The following CHD4 variants were observed in gnomAD, a reference collection of about 807,000 sequenced individuals.
CHD4 encodes the protein chromodomain helicase DNA binding protein 4, also known as ATP-dependent chromatin remodeler CHD4.
In CHD4, 35 loss-of-function variants were observed where a neutral mutation model predicts 235.5. The observed-to-expected ratio is 0.15, with a 90% CI of 0.11 to 0.20. The LOEUF (loss-of-function observed/expected upper bound fraction) is 0.20. Among genes scored for constraint, CHD4 ranks in the 10% least tolerant of loss-of-function variants. The pLI is 1.00. For missense variants in CHD4, 1,329 were observed against 2,432.3 expected (o/e 0.55, Z 9.54); for synonymous variants, 900 against 850.2 (o/e 1.06, Z -1.02).
In CHD4 at chr12:6,573,119, C is replaced by G. The variant is rs976112669; in HGVS notation, c.5512G>C (p.Glu1838Gln). Residue 1838 changes from glutamate to glutamine, a missense_variant, in exon 38 of 40, where the codon GAG becomes CAG. Transcript: ENST00000544040. ...LAESHQHLSK[E>Q]SMAGNKPANA... ...GCTGGCTTGTTTCCTGCCATTGACT[C>G]CTTGGACAGGTGCTGATGACTTTCC... is the stretch of plus-strand genomic sequence containing the variant. 1.2e-6 allele frequency: 2 copies of G among 1,610,958 alleles called. No homozygotes were observed. Among genetic ancestry groups the G allele is most frequent in the Non-Finnish European group, 1.7e-6 (2 of 1,178,776 alleles).
chr12:6,571,154 C>A (rs533802176), intron 38 of CHD4, 122 bp from the exon 39 acceptor site: 2 of 1,148,360 alleles, frequency 1.7e-6, no homozygotes, highest in Non-Finnish European at 2.5e-6. Context: ...TGTCTTCTGT[C>A]ATCTGACCTG....
At chr12:6,580,722 A>C (rs1044962222) in intron 33 of CHD4, 24 of 231,248 alleles carry the variant, frequency 1.0e-4, no homozygotes, top group African/African-American at 8.0e-5. Context: ...AAAAAAAAAA[A>C]AAAAAGCCAG....
At chr12:6,592,151 T>A (rs572283142) in intron 19 of CHD4, 94 bp from the exon 20 acceptor site, 7 of 1,498,600 alleles carry the variant, frequency 4.7e-6, no homozygotes, top group South Asian at 3.5e-5. Flanking sequence ...TTCCAACACA[T>A]CCCACTTTGG....
chr12:6,580,055 CAAAAAAA>C (rs766330469), intron 33 of CHD4, among the ~76,000 whole-genome samples: 1 of 69,026 alleles, frequency 1.4e-5, no homozygotes, highest in African/African-American at 5.1e-5. Flanking sequence ...GACTCCGTCT[CAAAAAAA>C]AAAAAAAAAA....
chr12:6,576,951 T>A (rs1413719992), intron 37 of CHD4, among the ~76,000 whole-genome samples: 3 of 152,150 alleles, frequency 2.0e-5, no homozygotes, highest in Admixed American at 6.6e-5. Flanking sequence ...CTTTTTTTTT[T>A]TTTGAGACAG....
In CHD4 at chr12:6,583,370, C is replaced by A; in HGVS notation, c.3888G>T (p.Glu1296Asp). ...GTTTAATGATTTCCCGTTCTACCTC[C>A]TCTTCCTCCTGGGACAGAGGGAGGG... ...VVREEEMGEE[E>D]EVEREIIKQE... The change falls in exon 26 of 40, where the codon GAG (glutamate) becomes GAT (aspartate). Residue 1296 changes from glutamate to aspartate, a missense_variant. Around this residue, in one of 26 missense-constraint regions of CHD4, gnomAD observed 12 missense variants for 17.4 expected, o/e 0.69. Coordinates refer to ENST00000544040, the MANE Select transcript of CHD4 (RefSeq NM_001273.5). The A allele has an allele frequency of 6.2e-7, 1 of 1,608,982 alleles. No homozygotes were observed. Among genetic ancestry groups the A allele is most frequent in the Non-Finnish European group, 8.5e-7 (1 of 1,176,778 alleles).
chr12:6,579,234 G>A (rs2136197947), intron 33 of CHD4: 3 of 355,258 alleles, frequency 8.4e-6, no homozygotes, highest in South Asian at 5.4e-5. Context: ...TGGATCACCT[G>A]AGGTGAGGAG....
Position 6,595,447 on chromosome 12 carries a change from T to A in CHD4, c.2025-17A>T. 3 of 1,607,388 alleles carry A rather than the reference T, an allele frequency of 1.9e-6. No individual in the cohort carries two copies. The highest frequency in any genetic ancestry group is 2.6e-6 in the Non-Finnish European group (3 of 1,174,380). On this transcript the variant is annotated splice_polypyrimidine_tract_variant and intron_variant, in intron 13 of 39. Coordinates refer to ENST00000544040, the MANE Select transcript of CHD4 (RefSeq NM_001273.5). ...ATTAACTCCCTAAAGAAGAAAGACA[T>A]CACACAGCTGCCCAAAATCCTTTTC... is the stretch of plus-strand genomic sequence containing the variant.
intron 25 of CHD4, among the ~76,000 whole-genome samples, chr12:6,585,794 A>AC (rs1404884291): frequency 4.0e-4 from 61 of 150,938 alleles, no homozygotes; most frequent in Non-Finnish European, 5.9e-5. Flanking sequence ...GTCTCAAAAA[A>AC]AAAAAAACAC....
Position 6,593,147 on chromosome 12 carries a change from C to T in CHD4, c.2596G>A (p.Asp866Asn). 4 of 1,614,186 alleles carry T rather than the reference C, an allele frequency of 2.5e-6. No individual in the cohort carries two copies. Among genetic ancestry groups the T allele is most frequent in the Non-Finnish European group, 3.4e-6 (4 of 1,180,026 alleles). ...TIDMAILGSI[D>N]WACLIVDEAH... is the part of the protein sequence containing the mutation. The stretch of plus-strand genomic sequence containing the variant: ...TCATCCACGATGAGGCAGGCCCAAT[C>T]AATAGAGCCCAAAATAGCCATGTCA... Residue 866 changes from aspartate to asparagine, a missense_variant, in exon 17 of 40, where the codon GAT (aspartate) becomes AAT (asparagine). Asp to Asn is a conservative substitution (Grantham distance 23, BLOSUM62 1). This residue lies in a region of CHD4 where 78 missense variants were observed against 174.8 expected (regional missense o/e 0.45). Coordinates refer to ENST00000544040, the MANE Select transcript of CHD4 (RefSeq NM_001273.5). The surrounding 1 kb of genome is among the most constrained non-coding windows in gnomAD (Gnocchi z 4.9).
In CHD4 at chr12:6,581,798, T is replaced by G; in HGVS notation, c.4532A>C (p.His1511Pro). 5 of 1,528,160 alleles carry G rather than the reference T, an allele frequency of 3.3e-6. No individual in the cohort carries two copies. The highest frequency in any genetic ancestry group is 4.4e-6 in the Non-Finnish European group (5 of 1,138,562). 94.7% of individuals were successfully genotyped at this position (1,528,160 alleles called of 1,614,324 possible). A position where few individuals can be genotyped will look rare whatever the true frequency, so the allele number is the denominator to read the frequency against. ...AGGCATGCTCCAGCGCCCATTAACATGTTCAAACTCCTGAACCTGTAGCAA... is the reference window on the plus strand; with the variant it reads ...AGGCATGCTCCAGCGCCCATTAACAGGTTCAAACTCCTGAACCTGTAGCAA... ...LIRKKVQEFE[H>P]VNGRWSMPEL... is the part of the protein sequence containing the mutation. The change falls in exon 31 of 40, where the codon CAT (histidine) becomes CCT (proline). Residue 1511 changes from histidine (H) to proline (P), a missense_variant. This residue lies in a region of CHD4 where 219 missense variants were observed against 219.3 expected (regional missense o/e 1.00). Transcript: ENST00000544040.
Position 6,606,277 on chromosome 12 carries a change from G to A in CHD4, c.97C>T (p.Pro33Ser). ...LLNNSLPPPH[P>S]ENEEDPEEDL... is the part of the protein sequence containing the mutation. ...GGGCCCTTGGGGAAGATGTTACCTGGGTGGGGTGGGGGCAGGCTGTTGTTC... is the reference window on the plus strand; with the variant it reads ...GGGCCCTTGGGGAAGATGTTACCTGAGTGGGGTGGGGGCAGGCTGTTGTTC... Residue 33 changes from proline (P) to serine (S), a missense_variant, in exon 2 of 40, where the codon CCA becomes TCA. Physicochemically the swap from Pro to Ser is moderately conservative, Grantham distance 74. This residue lies in a region of CHD4 where 213 missense variants were observed against 177.5 expected (regional missense o/e 1.20). Coordinates refer to ENST00000544040, the MANE Select transcript of CHD4 (RefSeq NM_001273.5). 6.4e-7 allele frequency: 1 copy of A among 1,572,394 alleles called. No homozygotes were observed. The highest frequency in any genetic ancestry group is 8.6e-7 in the Non-Finnish European group (1 of 1,157,236).
Position 6,570,571 on chromosome 12 carries a change from G to T in CHD4, c.*105C>A. On this transcript the variant is annotated 3_prime_UTR_variant, in exon 40 of 40. Coordinates refer to ENST00000544040, the MANE Select transcript of CHD4 (RefSeq NM_001273.5). ...TGTTCCTTTACAACATGGAAGATGG[G>T]CAGAAGGAAGGTGAGGGTCTCTCAG... 7.2e-7 allele frequency: 1 copy of T among 1,396,336 alleles called. No individual in the cohort carries two copies. The highest frequency in any genetic ancestry group is 1.0e-6 in the Non-Finnish European group (1 of 989,730). The allele number at this position is 1,396,336 out of a possible 1,614,324, so 86.5% of individuals were successfully genotyped here.
At chr12:6,578,781 G>C in intron 34 of CHD4, 65 bp downstream of exon 34, 1 of 1,505,062 alleles carries the variant, frequency 6.6e-7, no homozygotes, top group Non-Finnish European at 9.2e-7. Context: ...AGGCAGGGCA[G>C]ATACAGTCCT....
chr12:6,588,572 G>C (rs1948340722), intron 22 of CHD4, 150 bp from the exon 23 acceptor site: 4 of 809,740 alleles, frequency 4.9e-6, no homozygotes, highest in Non-Finnish European at 7.5e-6. Flanking sequence ...GACATCAGGA[G>C]TTCGAGACCA....
Position 6,592,792 on chromosome 12 carries a change from G to T in CHD4, c.2678C>A (p.Ser893Ter). The change falls in exon 18 of 40, where the codon TCA (serine) becomes TAA (stop). Residue 893 changes from serine (S) to a stop codon, truncating the protein, a stop_gained. Transcript: ENST00000544040. LOFTEE classifies it high-confidence loss of function. ...SKFFRVLNGY[S>*]LQHKLLLTGT... is the part of the protein sequence containing the mutation. ...AGTCAGCAACAGCTTGTGCTGGAGT[G>T]AGTAACCATTCAATACCCGGAAGAA... 6.2e-7 allele frequency: 1 copy of T among 1,613,374 alleles called. No individual in the cohort carries two copies. The highest frequency in any genetic ancestry group is 1.1e-5 in the South Asian group (1 of 90,994).
intron 22 of CHD4, among the ~76,000 whole-genome samples, chr12:6,589,237 A>T (rs1948351153): frequency 6.6e-6 from 1 of 152,186 alleles, no homozygotes; most frequent in African/African-American, 2.4e-5. Context: ...CCACAGTAAT[A>T]ATCATTGTAA....
At chr12:6,588,096 G>A in intron 23 of CHD4, 147 bp from the exon 24 acceptor site, 1 of 1,107,788 alleles carries the variant, frequency 9.0e-7, no homozygotes, top group Non-Finnish European at 1.3e-6. Context: ...CCTGCCTCCA[G>A]ACACCACCCT....
intron 38 of CHD4, chr12:6,571,421 G>A (rs1947966374): frequency 1.1e-5 from 2 of 185,464 alleles, no homozygotes; most frequent in Non-Finnish European, 2.2e-5. Flanking sequence ...GTTGAAAGGG[G>A]TCTAGAATTT....
Sources: allele counts gnomAD v4.1 joint callset (sites outside exome capture counted in the v4.1 genomes callset), GRCh38; gene constraint gnomAD v4.1.1; regional missense constraint gnomAD v4.1.1; non-coding constraint Gnocchi (gnomAD v3.1); transcripts MANE v1.5; gene names NCBI Gene and HGNC (gene_info 2026-07-23, HGNC 2026-07-21).